Variants in GNAS-AS1 observed in about 807,000 individuals in gnomAD.
The protein encoded by GNAS-AS1 is GNAS antisense RNA 1 (non-protein coding).
chr20:58,840,464 GA>G lies in GNAS-AS1; in HGVS notation n.819+1472del. On this transcript the variant is annotated intron_variant and non_coding_transcript_variant, in intron 4 of 4. Coordinates refer to ENST00000424094, the Ensembl canonical transcript of GNAS-AS1. The surrounding 1 kb of genome is among the most constrained non-coding windows in gnomAD (Gnocchi z 6.0). ...CGAGAGCGAGACCGAGTCCGAAATC[GA>G]GTCCGAGACCGACTTCGAGACCGAG... 1 of 1,613,632 alleles carries G rather than the reference GA, an allele frequency of 6.2e-7. No individual in the cohort carries two copies. The highest frequency in any genetic ancestry group is 8.5e-7 in the Non-Finnish European group (1 of 1,179,960).
chr20:58,845,190 T>C (rs1010870772), intron 2 of GNAS-AS1, among the ~76,000 whole-genome samples: 12 of 152,224 alleles, frequency 7.9e-5, no homozygotes, highest in Non-Finnish European at 1.0e-4. Context: ...GATGGGAACA[T>C]TGGTTGAGTG....
chr20:58,829,641 A>G (rs2085541486), intron 4 of GNAS-AS1, among the ~76,000 whole-genome samples: 2 of 152,010 alleles, frequency 1.3e-5, no homozygotes, highest in African/African-American at 4.8e-5. Context: ...CTACTCCTCA[A>G]CTTGGAACTG....
intron 4 of GNAS-AS1, chr20:58,838,916 CAAAAAAAAAA>C (rs766172876): frequency 2.8e-5 from 7 of 253,164 alleles, no homozygotes; most frequent in African/African-American, 2.1e-4. Flanking sequence ...GATTCTGTCT[CAAAAAAAAAA>C]AAAAAAAAAA....
At chr20:58,827,287 C>G (rs2085527300) in intron 4 of GNAS-AS1, among the ~76,000 whole-genome samples, 1 of 152,196 alleles carries the variant, frequency 6.6e-6, no homozygotes, top group Non-Finnish European at 1.5e-5. Flanking sequence ...TCTCTCCTGA[C>G]TCATAGAGGG....
intron 4 of GNAS-AS1, among the ~76,000 whole-genome samples, chr20:58,826,296 G>A (rs377039563): frequency 1.3e-5 from 2 of 152,232 alleles, no homozygotes; most frequent in East Asian, 1.9e-4. Context: ...CTGTCATGAC[G>A]GGAGGGCTGG....
At chr20:58,822,814 G>A (rs1206518231) in intron 4 of GNAS-AS1, among the ~76,000 whole-genome samples, 1 of 152,008 alleles carries the variant, frequency 6.6e-6, no homozygotes, top group African/African-American at 2.4e-5. Flanking sequence ...AAAGCAGGGT[G>A]CTGAGGTTAG....
intron 4 of GNAS-AS1, among the ~76,000 whole-genome samples, chr20:58,821,976 T>A (rs533514233): frequency 6.6e-6 from 1 of 152,314 alleles, no homozygotes; most frequent in African/African-American, 2.4e-5. Flanking sequence ...TCCTCTGGCT[T>A]TCCTAAGTCA....
At chr20:58,820,638 T>C (rs1235320731) in intron 4 of GNAS-AS1, among the ~76,000 whole-genome samples, 2 of 152,120 alleles carry the variant, frequency 1.3e-5, no homozygotes, top group African/African-American at 4.8e-5. Context: ...AAGAAAGAGG[T>C]TTAATTGGAC....
In GNAS-AS1 at chr20:58,841,234, T is replaced by C. The variant is rs2085709656; in HGVS notation, n.819+703A>G. 1.2e-6 allele frequency: 1 copy of C among 848,096 alleles called. No homozygotes were observed. The highest frequency in any genetic ancestry group is 1.5e-6 in the Non-Finnish European group (1 of 660,824). The allele number at this position is 848,096 out of a possible 1,614,324, so 52.5% of individuals were successfully genotyped here. A position where few individuals can be genotyped will look rare whatever the true frequency, so the allele number is the denominator to read the frequency against. ...CCAAACGGCATTGGTAAGTCACTTGTTTTGCGCGCTTTTCTTCCTCCTAGA... is the reference window on the plus strand; with the variant it reads ...CCAAACGGCATTGGTAAGTCACTTGCTTTGCGCGCTTTTCTTCCTCCTAGA... On this transcript the variant is annotated intron_variant and non_coding_transcript_variant, in intron 4 of 4. Transcript: ENST00000424094. The surrounding 1 kb of genome is among the most constrained non-coding windows in gnomAD (Gnocchi z 5.0).
intron 2 of GNAS-AS1, among the ~76,000 whole-genome samples, chr20:58,845,613 T>C (rs1295836562): frequency 1.3e-5 from 2 of 150,882 alleles, no homozygotes; most frequent in Non-Finnish European, 3.0e-5. Flanking sequence ...CTTTCTTACA[T>C]ATCAAAAGGC....
intron 4 of GNAS-AS1, chr20:58,838,862 A>G: frequency 2.6e-6 from 1 of 383,066 alleles, no homozygotes; most frequent in Admixed American, 5.0e-5. Flanking sequence ...GGTTGCAGTG[A>G]CCCAAGATCA....
chr20:58,836,159 A>G (rs1346493998), intron 4 of GNAS-AS1: 1 of 152,196 alleles, frequency 6.6e-6, no homozygotes, highest in African/African-American at 2.4e-5. Flanking sequence ...GGCTAACCTG[A>G]TAAGACTGCG....
At position 58,840,724 on chromosome 20, in the gene GNAS-AS1, G is replaced by A. The variant is rs145893409; in HGVS notation, n.819+1213C>T. The A allele has an allele frequency of 1.2e-4, 195 of 1,604,236 alleles. No homozygotes were observed. Among genetic ancestry groups the A allele is most frequent in the Non-Finnish European group, 1.5e-4 (180 of 1,179,576 alleles). ...ACAAAGATCCAAGGGACCCCGAAGA[G>A]TCGAAGGAGCCCAAGGAGGAGAAGC... On this transcript the variant is annotated intron_variant and non_coding_transcript_variant, in intron 4 of 4. Transcript: ENST00000424094. The surrounding 1 kb of genome is among the most constrained non-coding windows in gnomAD (Gnocchi z 6.0).
At chr20:58,850,239 TC>T (rs1484820439) in intron 1 of GNAS-AS1, among the ~76,000 whole-genome samples, 3 of 152,222 alleles carry the variant, frequency 2.0e-5, no homozygotes, top group Non-Finnish European at 4.4e-5. Flanking sequence ...GGAGTTCTTT[TC>T]TTCCATTTGT....
chr20:58,836,106 A>T (rs1211196134), intron 4 of GNAS-AS1: 1 of 152,206 alleles, frequency 6.6e-6, no homozygotes, highest in South Asian at 2.1e-4. Context: ...AGAGCCCCCA[A>T]ACCCTTCTCC....
chr20:58,825,418 T>C (rs1290557052), intron 4 of GNAS-AS1, among the ~76,000 whole-genome samples: 1 of 152,224 alleles, frequency 6.6e-6, no homozygotes, highest in Non-Finnish European at 1.5e-5. Flanking sequence ...GGGCTGCACC[T>C]GGAGGGACAT....
At chr20:58,821,952 T>C (rs1336384287) in intron 4 of GNAS-AS1, among the ~76,000 whole-genome samples, 1 of 152,240 alleles carries the variant, frequency 6.6e-6, no homozygotes. Context: ...CCAGGTTTCA[T>C]AGCAGCCTGG....
At chr20:58,822,485 T>C (rs1600642618) in intron 4 of GNAS-AS1, among the ~76,000 whole-genome samples, 1 of 152,180 alleles carries the variant, frequency 6.6e-6, no homozygotes, top group South Asian at 2.1e-4. Flanking sequence ...AGAAGTCAAA[T>C]GGCCAAAGGC....
chr20:58,827,397 C>G (rs998270951), intron 4 of GNAS-AS1, among the ~76,000 whole-genome samples: 3 of 152,086 alleles, frequency 2.0e-5, no homozygotes, highest in African/African-American at 2.4e-5. Flanking sequence ...CTGGTGGGGA[C>G]ACACTGGTTG....
Sources: allele counts gnomAD v4.1 joint callset (sites outside exome capture counted in the v4.1 genomes callset), GRCh38; gene constraint gnomAD v4.1.1; non-coding constraint Gnocchi (gnomAD v3.1); transcripts MANE v1.5; gene names NCBI Gene and HGNC (gene_info 2026-07-23, HGNC 2026-07-21).